The following GLIS3 variants were observed in gnomAD, a reference collection of about 807,000 sequenced individuals.
The protein encoded by GLIS3 is GLIS family zinc finger 3.
Under a neutral mutation model 78.6 loss-of-function variants are expected in GLIS3, and 53 were observed. The ratio of observed to expected loss-of-function variants is 0.67; its 90% CI spans 0.54 to 0.85. The LOEUF (loss-of-function observed/expected upper bound fraction) is 0.85. Among genes scored for constraint, GLIS3 ranks in the 40% least tolerant of loss-of-function variants. The pLI is 0.00. For synonymous variants in GLIS3, 684 were observed against 509.9 expected (o/e 1.34, Z -4.60); for missense variants, 1,703 against 1,231.1 (o/e 1.38, Z -5.74).
Position 4,194,271 on chromosome 9 carries a change from G to A in GLIS3, c.389-68330C>T, listed in dbSNP as rs555643513. 1.6e-4 allele frequency among the ~76,000 whole-genome samples: 24 copies of A among 152,164 alleles called. 1 individual carries two copies. Among genetic ancestry groups the A allele is most frequent in the Admixed American group, 6.5e-4 (10 of 15,284 alleles). On this transcript the variant is annotated intron_variant, in intron 2 of 10. Transcript: ENST00000381971. ...GACGGGGTTTCACCATGTTGCCCAG[G>A]CTGGTCTCAAACTCCTGAGCTCAGG...
At chr9:4,295,659 G>C (rs1045743019) in intron 1 of GLIS3, among the ~76,000 whole-genome samples, 3 of 152,180 alleles carry the variant, frequency 2.0e-5, no homozygotes, top group African/African-American at 7.2e-5. Context: ...GATGTTTCTG[G>C]TGTGTTGATA....
chr9:4,087,925 C>T (rs188336376), intron 4 of GLIS3, among the ~76,000 whole-genome samples: 68 of 152,286 alleles, frequency 4.5e-4, no homozygotes, highest in African/African-American at 1.4e-3. Flanking sequence ...GTCCATCTCG[C>T]ATTATGGTTA....
intron 4 of GLIS3, among the ~76,000 whole-genome samples, chr9:4,092,006 G>C (rs888880037): frequency 6.6e-6 from 1 of 152,146 alleles, no homozygotes; most frequent in African/African-American, 2.4e-5. Flanking sequence ...TGTTCTGGGT[G>C]AGTGAGTGCT....
chr9:3,959,198 A>G (rs550323463), intron 4 of GLIS3, among the ~76,000 whole-genome samples: 64 of 152,296 alleles, frequency 4.2e-4, no homozygotes, highest in African/African-American at 1.5e-3. Flanking sequence ...AATGGGATTA[A>G]TGCCCATATA....
chr9:4,385,932 C>A, the GLIS3 span, among the ~76,000 whole-genome samples: 1 of 152,156 alleles, frequency 6.6e-6, no homozygotes, highest in Non-Finnish European at 1.5e-5. Context: ...CCATCTGTAC[C>A]AATCATGCAA....
chr9:4,204,170 T>C (rs766595127), intron 2 of GLIS3, among the ~76,000 whole-genome samples: 2 of 152,144 alleles, frequency 1.3e-5, no homozygotes, highest in African/African-American at 2.4e-5. Context: ...AAGAATGATC[T>C]ACTATGAAGG....
intron 2 of GLIS3, among the ~76,000 whole-genome samples, chr9:4,326,609 C>T (rs1224023223): frequency 6.6e-6 from 1 of 151,930 alleles, no homozygotes; most frequent in Non-Finnish European, 1.5e-5. Flanking sequence ...TGCTGGAGAG[C>T]GGATGGTGGT....
the GLIS3 span, among the ~76,000 whole-genome samples, chr9:4,358,284 C>T: frequency 2.6e-5 from 4 of 151,658 alleles, no homozygotes; most frequent in Non-Finnish European, 5.9e-5. Flanking sequence ...TTTTAATGCT[C>T]GATTTTTTTT....
chr9:4,012,022 A>G (rs961973526), intron 4 of GLIS3, among the ~76,000 whole-genome samples: 1 of 152,178 alleles, frequency 6.6e-6, no homozygotes, highest in African/African-American at 2.4e-5. Flanking sequence ...TTCCGTTTGC[A>G]GAAAGCCTTC....
chr9:4,256,789 A>C (rs1047402268), intron 2 of GLIS3, among the ~76,000 whole-genome samples: 1 of 97,116 alleles, frequency 1.0e-5, no homozygotes, highest in Non-Finnish European at 2.2e-5. Context: ...AAGAGTACGG[A>C]AGCTCATCAA....
chr9:3,839,834 T>C (rs1047193646), intron 9 of GLIS3, among the ~76,000 whole-genome samples: 17 of 152,148 alleles, frequency 1.1e-4, no homozygotes, highest in Admixed American at 6.5e-4. Context: ...GATATTCTCA[T>C]TAGGGAGAAA....
the GLIS3 span, among the ~76,000 whole-genome samples, chr9:4,372,177 AAG>A: frequency 4.6e-5 from 7 of 152,170 alleles, no homozygotes; most frequent in Non-Finnish European, 8.8e-5. Context: ...CAGATGAAGA[AAG>A]AGAGAGTGCC....
At chr9:4,091,133 T>C (rs1196849180) in intron 4 of GLIS3, among the ~76,000 whole-genome samples, 2 of 152,142 alleles carry the variant, frequency 1.3e-5, no homozygotes, top group East Asian at 1.9e-4. Flanking sequence ...GGTGGGAAGA[T>C]GGCTTGAGTC....
the GLIS3 span, among the ~76,000 whole-genome samples, chr9:4,381,435 A>G: frequency 5.3e-5 from 8 of 152,342 alleles, no homozygotes; most frequent in African/African-American, 1.7e-4. Context: ...TATCTGATAT[A>G]TAATAAGCAC....
At chr9:4,422,712 T>C in the GLIS3 span, among the ~76,000 whole-genome samples, 3 of 152,150 alleles carry the variant, frequency 2.0e-5, no homozygotes, top group African/African-American at 7.2e-5. Flanking sequence ...ATCAGAGCCC[T>C]GAAGAAAGTG....
At chr9:4,449,486 T>G in the GLIS3 span, among the ~76,000 whole-genome samples, 5 of 152,172 alleles carry the variant, frequency 3.3e-5, no homozygotes, top group African/African-American at 1.2e-4. Context: ...CAGCATGGTG[T>G]TCAAGCTCTG....
intron 8 of GLIS3, among the ~76,000 whole-genome samples, chr9:3,860,687 C>T (rs566419277): frequency 4.6e-5 from 7 of 152,316 alleles, no homozygotes; most frequent in African/African-American, 1.7e-4. Context: ...CTGTCTGTTA[C>T]TAGCTGGGTA....
intron 4 of GLIS3, among the ~76,000 whole-genome samples, chr9:4,047,057 A>G (rs1333450941): frequency 6.6e-6 from 1 of 152,108 alleles, no homozygotes. Context: ...CCAAAATATC[A>G]CCTGGAACTG....
chr9:4,059,200 G>A (rs1826415000), intron 4 of GLIS3, among the ~76,000 whole-genome samples: 1 of 152,144 alleles, frequency 6.6e-6, no homozygotes, highest in African/African-American at 2.4e-5. Flanking sequence ...GAGCACAGAC[G>A]AGATTTCAGA....
Sources: allele counts gnomAD v4.1 joint callset (sites outside exome capture counted in the v4.1 genomes callset), GRCh38; gene constraint gnomAD v4.1.1; transcripts MANE v1.5; gene names NCBI Gene and HGNC (gene_info 2026-07-23, HGNC 2026-07-21).